ATP11A: variants seen among roughly 807,000 people sequenced by gnomAD.
ATP11A encodes the protein phospholipid-transporting ATPase IH.
Under a neutral mutation model 154.4 loss-of-function variants are expected in ATP11A, and 81 were observed. The ratio of observed to expected loss-of-function variants is 0.52; its 90% confidence interval spans 0.44 to 0.63. The LOEUF (loss-of-function observed/expected upper bound fraction) is 0.63. ATP11A is among the 30% of genes least tolerant of loss of function. The probability of loss-of-function intolerance (pLI) is 0.00; values close to 1 mark genes in which losing one functional copy is unlikely to be tolerated. For synonymous variants in ATP11A, 623 were observed against 585.9 expected (o/e 1.06, Z -0.91); for missense variants, 1,316 against 1,474.3 (o/e 0.89, Z 1.76).
At chr13:112,850,743 G>T (rs573060706) in intron 17 of ATP11A, among the ~76,000 whole-genome samples, 1 of 152,164 alleles carries the variant, frequency 6.6e-6, no homozygotes, top group African/African-American at 2.4e-5. Flanking sequence ...AGATGACTCT[G>T]ATTTCTGTTA....
chr13:112,874,134 G>A (rs2080638957), intron 27 of ATP11A, among the ~76,000 whole-genome samples: 1 of 152,254 alleles, frequency 6.6e-6, no homozygotes. Context: ...CCCGCAGCAA[G>A]ATGGGGCCCA....
intron 1 of ATP11A, among the ~76,000 whole-genome samples, chr13:112,784,526 CTTT>C (rs535110994): frequency 1.4e-5 from 2 of 140,784 alleles, no homozygotes; most frequent in Non-Finnish European, 1.6e-5. Flanking sequence ...ACGTTCTGTT[CTTT>C]TTTTTTTTTT....
intron 2 of ATP11A, among the ~76,000 whole-genome samples, chr13:112,802,703 C>T (rs1254865350): frequency 1.3e-5 from 2 of 151,912 alleles, no homozygotes; most frequent in Admixed American, 6.6e-5. Flanking sequence ...TCTAGGTGAC[C>T]TTGGGTTTGG....
At chr13:112,880,450 C>T (rs775475478) in intron 29 of ATP11A, 6 of 1,081,230 alleles carry the variant, frequency 5.5e-6, no homozygotes, top group African/African-American at 3.3e-5. Flanking sequence ...CGAGCCTCTT[C>T]CTGCTGGGGT....
At chr13:112,703,013 G>A (rs1355093652) in intron 1 of ATP11A, among the ~76,000 whole-genome samples, 1 of 152,236 alleles carries the variant, frequency 6.6e-6, no homozygotes, top group East Asian at 1.9e-4. Flanking sequence ...TTGTTGCTGA[G>A]ATTACAAACT....
chr13:112,759,563 A>G (rs995754697), intron 1 of ATP11A, among the ~76,000 whole-genome samples: 1 of 152,200 alleles, frequency 6.6e-6, no homozygotes, highest in African/African-American at 2.4e-5. Context: ...TACACCAGTA[A>G]AACTTCTGTA....
intron 4 of ATP11A, among the ~76,000 whole-genome samples, chr13:112,808,177 G>A (rs896564793): frequency 7.9e-5 from 12 of 152,202 alleles, no homozygotes; most frequent in East Asian, 1.9e-4. Flanking sequence ...TGGTGTCCTC[G>A]GCCCGGCTGT....
At chr13:112,743,563 G>A (rs1422821795) in intron 1 of ATP11A, among the ~76,000 whole-genome samples, 9 of 152,138 alleles carry the variant, frequency 5.9e-5, no homozygotes, top group African/African-American at 2.2e-4. Context: ...TGTAGATGCT[G>A]TAGGTTCCTG....
At chr13:112,793,754 G>T (rs1189136358) in intron 2 of ATP11A, among the ~76,000 whole-genome samples, 1 of 152,236 alleles carries the variant, frequency 6.6e-6, no homozygotes, top group Non-Finnish European at 1.5e-5. Context: ...TGAGGCTTCA[G>T]ACAGCTTGTA....
Position 112,885,077 on chromosome 13 carries a change from A to T in ATP11A, c.*3211A>T, listed in dbSNP as rs537067826. 6.7e-6 allele frequency: 1 copy of T among 150,352 alleles called. No homozygotes were observed. Among genetic ancestry groups the T allele is most frequent in the Non-Finnish European group, 1.5e-5 (1 of 68,036 alleles). 9.3% of individuals were successfully genotyped at this position (150,352 alleles called of 1,614,324 possible). A position where few individuals can be genotyped will look rare whatever the true frequency, so the allele number is the denominator to read the frequency against. The stretch of plus-strand genomic sequence containing the variant: ...TACACAAGTGTGAGCTCCTACACGC[A>T]TACACACACACACGTGTACATGCAC... On this transcript the variant is annotated 3_prime_UTR_variant, in exon 30 of 30. Transcript: ENST00000375645.
In ATP11A at chr13:112,698,829, C is replaced by G. The variant is rs1886183448; in HGVS notation, c.39+8374C>G. Among the ~76,000 whole-genome samples, 3 of 152,280 alleles carry G rather than the reference C, an allele frequency of 2.0e-5. No individual in the cohort carries two copies. In the South Asian group the frequency reaches 6.2e-4, roughly 32 times the overall value. ...CTCTACCTCTTGGGTTCAAGTGATT[C>G]TCATGCCTCAGCCTCCCAGGTAGCT... On this transcript the variant is annotated intron_variant, in intron 1 of 29. Transcript: ENST00000375645.
chr13:112,830,926 A>G (rs2079066681), intron 12 of ATP11A, among the ~76,000 whole-genome samples: 1 of 151,982 alleles, frequency 6.6e-6, no homozygotes, highest in Non-Finnish European at 1.5e-5. Context: ...GTAGGTTTTG[A>G]CCTCCAAGAC....
intron 2 of ATP11A, among the ~76,000 whole-genome samples, chr13:112,797,047 G>A (rs2078017852): frequency 6.6e-6 from 1 of 152,122 alleles, no homozygotes; most frequent in Admixed American, 6.5e-5. Context: ...GATCACCTGA[G>A]GTCAGGAGTT....
At position 112,831,413 on chromosome 13, in the gene ATP11A, G is replaced by A. The variant is rs760225052; in HGVS notation, c.1260G>A (p.Thr420=). Residue 420 remains threonine, a synonymous_variant, in exon 13 of 30, where the codon ACG becomes ACA. Coordinates refer to ENST00000375645, the MANE Select transcript of ATP11A (RefSeq NM_015205.3). ...TCACAGACAAGACCGGCACCCTCAC[G>A]GAAAACAACATGGAGTTCAAGGAGT... The part of the protein sequence containing the change: ...YIFTDKTGTL[T]ENNMEFKECC... 4.3e-6 allele frequency: 7 copies of A among 1,614,044 alleles called. No individual in the cohort carries two copies. The highest frequency in any genetic ancestry group is 1.7e-5 in the Admixed American group (1 of 60,000).
In ATP11A at chr13:112,883,432, C is replaced by T. The variant is rs1219138063; in HGVS notation, c.*1566C>T. On this transcript the variant is annotated 3_prime_UTR_variant, in exon 30 of 30. Coordinates refer to ENST00000375645, the MANE Select transcript of ATP11A (RefSeq NM_015205.3). Reference sequence around the variant, plus strand: ...ACGCTGGAGGAGGAGCCGGCCCTCACGCCCGCCCCGCGCCACGCTGTGGAA... The same window carrying T: ...ACGCTGGAGGAGGAGCCGGCCCTCATGCCCGCCCCGCGCCACGCTGTGGAA... The T allele has an allele frequency of 1.1e-5, 4 of 378,540 alleles. No individual in the cohort carries two copies. Among genetic ancestry groups the T allele is most frequent in the Non-Finnish European group, 1.9e-5 (4 of 213,792 alleles). The allele number at this position is 378,540 out of a possible 1,614,324, so 23.4% of individuals were successfully genotyped here.
chr13:112,833,014 G>A lies in ATP11A; in HGVS notation c.1550G>A (p.Gly517Asp). The A allele has an allele frequency of 6.2e-7, 1 of 1,612,020 alleles. No homozygotes were observed. ...SSPDEVALVE[G>D]VQRLGFTYLR... ...CCCGACGAGGTGGCGCTGGTCGAAGGTGTCCAGAGGTACGTCGCGGGCCAA... is the reference window on the plus strand; with the variant it reads ...CCCGACGAGGTGGCGCTGGTCGAAGATGTCCAGAGGTACGTCGCGGGCCAA... Residue 517 changes from glycine (G) to aspartate (D), a missense_variant, in exon 14 of 30, where the codon GGT becomes GAT. Around this residue, in one of 5 missense-constraint regions of ATP11A, gnomAD observed 876 missense variants for 1,006.8 expected, o/e 0.87. Coordinates refer to ENST00000375645, the MANE Select transcript of ATP11A (RefSeq NM_015205.3).
At chr13:112,828,413 C>A (rs2079000809) in intron 12 of ATP11A, among the ~76,000 whole-genome samples, 1 of 129,126 alleles carries the variant, frequency 7.7e-6, no homozygotes, top group African/African-American at 3.1e-5. Flanking sequence ...GGAAAGCGCC[C>A]AGCGGTGTTG....
chr13:112,693,550 G>T (rs1885442614), intron 1 of ATP11A, among the ~76,000 whole-genome samples: 1 of 152,048 alleles, frequency 6.6e-6, no homozygotes, highest in African/African-American at 2.4e-5. Flanking sequence ...GTGTGCCGTG[G>T]ACTGGCGTAT....
chr13:112,707,281 G>A (rs1594355083), intron 1 of ATP11A, among the ~76,000 whole-genome samples: 11 of 152,230 alleles, frequency 7.2e-5, no homozygotes, highest in Admixed American at 2.0e-4. Flanking sequence ...CCTGTGTGGT[G>A]GCACACGCCT....
Sources: allele counts gnomAD v4.1 joint callset (sites outside exome capture counted in the v4.1 genomes callset), GRCh38; gene constraint gnomAD v4.1.1; regional missense constraint gnomAD v4.1.1; transcripts MANE v1.5; gene names NCBI Gene and HGNC (gene_info 2026-07-23, HGNC 2026-07-21).